Variants in SSH2 observed in about 807,000 individuals in gnomAD.
SSH2 encodes the protein slingshot protein phosphatase 2.
SSH2 carries 37 observed loss-of-function variants against 135.2 expected under a neutral mutation model. The observed-to-expected ratio is 0.27, with a 90% CI of 0.21 to 0.36. SSH2 has a LOEUF of 0.36. SSH2 is among the 10% of genes least tolerant of loss of function. The pLI is 1.00. For missense variants in SSH2, 1,408 were observed against 1,765.3 expected (o/e 0.80, Z 3.63); for synonymous variants, 628 against 646.2 (o/e 0.97, Z 0.43).
intron 2 of SSH2, among the ~76,000 whole-genome samples, chr17:29,845,850 G>C (rs1017240263): frequency 6.6e-6 from 1 of 151,756 alleles, no homozygotes; most frequent in East Asian, 1.9e-4. Flanking sequence ...ATGACCCACC[G>C]TGCCTGGCCC....
At chr17:29,858,707 C>T (rs2065708138) in intron 1 of SSH2, among the ~76,000 whole-genome samples, 1 of 151,926 alleles carries the variant, frequency 6.6e-6, no homozygotes, top group South Asian at 2.1e-4. Flanking sequence ...AGCAAGATGC[C>T]ATCTCTACAA....
intron 2 of SSH2, among the ~76,000 whole-genome samples, chr17:29,835,423 T>A (rs375494152): frequency 2.6e-4 from 40 of 152,348 alleles, no homozygotes; most frequent in African/African-American, 9.6e-4. Flanking sequence ...ATTGGTCCTT[T>A]CCCTTCCCAA....
chr17:29,838,377 G>A (rs1379051391), intron 2 of SSH2, among the ~76,000 whole-genome samples: 1 of 152,218 alleles, frequency 6.6e-6, no homozygotes, highest in Non-Finnish European at 1.5e-5. Context: ...ATGAATGGAA[G>A]CAGGAAGCAG....
chr17:29,861,711 C>T (rs1454220286), intron 1 of SSH2, among the ~76,000 whole-genome samples: 2 of 152,060 alleles, frequency 1.3e-5, no homozygotes, highest in Admixed American at 6.6e-5. Context: ...CTACAGGCAC[C>T]CGCCACCATG....
At chr17:29,703,175 G>A (rs1366920617) in intron 3 of SSH2, 113 bp from the exon 4 acceptor site, 2 of 730,212 alleles carry the variant, frequency 2.7e-6, no homozygotes, top group Non-Finnish European at 4.9e-6. Context: ...CAACTTCATG[G>A]AACGAAGTAA....
At chr17:29,664,595 G>C (rs1017992995) in intron 11 of SSH2, among the ~76,000 whole-genome samples, 8 of 152,056 alleles carry the variant, frequency 5.3e-5, no homozygotes, top group African/African-American at 1.9e-4. Context: ...CCAGGCTCAG[G>C]TGATTCTCCT....
At chr17:29,665,394 A>G (rs1041878752) in intron 11 of SSH2, among the ~76,000 whole-genome samples, 1 of 152,246 alleles carries the variant, frequency 6.6e-6, no homozygotes, top group East Asian at 1.9e-4. Context: ...CTAGACACAT[A>G]TATCCTAGAG....
intron 2 of SSH2, among the ~76,000 whole-genome samples, chr17:29,810,500 T>C (rs528121654): frequency 1.0e-3 from 152 of 152,378 alleles, no homozygotes; most frequent in African/African-American, 3.6e-3. Flanking sequence ...CATTAATTCA[T>C]CTACAATTTA....
chr17:29,917,654 C>T (rs1237459821), intron 1 of SSH2, among the ~76,000 whole-genome samples: 1 of 151,964 alleles, frequency 6.6e-6, no homozygotes, highest in Non-Finnish European at 1.5e-5. Context: ...TAGAATAAAT[C>T]CCATCCTGGC....
At chr17:29,814,130 CAAAAA>C (rs1402714927) in intron 2 of SSH2, among the ~76,000 whole-genome samples, 1 of 21,142 alleles carries the variant, frequency 4.7e-5, no homozygotes, top group Non-Finnish European at 8.8e-5. Context: ...GACTTCGTCT[CAAAAA>C]AAAAAAAAAA....
chr17:29,802,046 A>G (rs1300502503), intron 2 of SSH2, among the ~76,000 whole-genome samples: 1 of 152,094 alleles, frequency 6.6e-6, no homozygotes, highest in East Asian at 1.9e-4. Flanking sequence ...ATTTTTTTTG[A>G]AAGATGAGGT....
At chr17:29,743,539 C>T (rs535670422) in intron 3 of SSH2, among the ~76,000 whole-genome samples, 1 of 152,154 alleles carries the variant, frequency 6.6e-6, no homozygotes, top group Admixed American at 6.5e-5. Flanking sequence ...GAGAAAATTC[C>T]AGTAGCATGG....
At chr17:29,787,174 T>G (rs527363268) in intron 3 of SSH2, among the ~76,000 whole-genome samples, 30 of 152,344 alleles carry the variant, frequency 2.0e-4, no homozygotes, top group Non-Finnish European at 2.5e-4. Context: ...ACCATTATTC[T>G]GTCCGCATGA....
chr17:29,929,553 T>C (rs2067141721), intron 1 of SSH2, among the ~76,000 whole-genome samples: 3 of 151,684 alleles, frequency 2.0e-5, no homozygotes, highest in Non-Finnish European at 4.4e-5. Context: ...GTAAGAGATG[T>C]GGGTGTGGGT....
intron 1 of SSH2, among the ~76,000 whole-genome samples, chr17:29,913,351 TATA>T (rs2066814841): frequency 4.8e-5 from 1 of 20,658 alleles, no homozygotes; most frequent in South Asian, 2.3e-3. Context: ...AAAAAAAATA[TATA>T]TATATATATA....
intron 1 of SSH2, among the ~76,000 whole-genome samples, chr17:29,900,612 T>C (rs1325378446): frequency 2.0e-5 from 3 of 152,172 alleles, no homozygotes; most frequent in Non-Finnish European, 2.9e-5. Flanking sequence ...TGATGATCAT[T>C]AAAAAGTCAG....
chr17:29,648,512 T>G (rs1241636321), intron 13 of SSH2, among the ~76,000 whole-genome samples, 168 bp from the exon 14 acceptor site: 3 of 152,216 alleles, frequency 2.0e-5, no homozygotes, highest in African/African-American at 7.2e-5. Context: ...AATGTGTGGG[T>G]AGGGTAGAGT....
At chr17:29,881,971 A>G (rs1206823112) in intron 1 of SSH2, among the ~76,000 whole-genome samples, 4 of 152,210 alleles carry the variant, frequency 2.6e-5, no homozygotes, top group Admixed American at 6.5e-5. Context: ...AAACATTTCA[A>G]TTGAGGAAAA....
chr17:29,925,247 A>AC, intron 1 of SSH2: 1 of 329,494 alleles, frequency 3.0e-6, no homozygotes, highest in South Asian at 1.6e-4. Context: ...TGTTTATTTA[A>AC]CCCTGGATCA....
Sources: gnomAD v4.1 joint callset for allele counts (sites outside exome capture counted in the v4.1 genomes callset) on GRCh38, gnomAD v4.1.1 for gene constraint, MANE v1.5 for transcripts, NCBI Gene and HGNC (gene_info 2026-07-23, HGNC 2026-07-21) for gene names.